The following NFXL1 variants were observed in gnomAD, a reference collection of about 807,000 sequenced individuals.
NFXL1 encodes NF-X1-type zinc finger protein NFXL1.
Under a neutral mutation model 123.3 loss-of-function variants are expected in NFXL1, and 66 were observed. The observed-to-expected ratio is 0.54, with a 90% CI of 0.44 to 0.66. NFXL1 has a LOEUF of 0.66. Ranked by LOEUF, NFXL1 falls within the 30% of genes least tolerant of loss-of-function variation. NFXL1 has a pLI of 0.00. For synonymous variants in NFXL1, 346 were observed against 360.8 expected (o/e 0.96, Z 0.46); for missense variants, 944 against 1,125.6 (o/e 0.84, Z 2.31).
rs1363485418 is a variant in NFXL1, at chr4:47,890,698, G to A, written c.1458C>T (p.Cys486=). The A allele has an allele frequency of 3.8e-6, 6 of 1,598,950 alleles. No individual in the cohort carries two copies. The South Asian group carries it at 5.5e-5, about 15-fold the overall frequency. ...GATCACAAGGTGGACAGTTTCCAGG[G>A]CAACACTGAAGAGAAAGCAATATAT... ...CQKHQCRRKC[C]PGNCPPCDQN... The change falls in exon 12 of 23, where the codon TGC becomes TGT. Residue 486 remains cysteine (C), a synonymous_variant. Coordinates refer to ENST00000507489, the MANE Select transcript of NFXL1 (RefSeq NM_001278624.2).
intron 19 of NFXL1, among the ~76,000 whole-genome samples, chr4:47,856,225 G>T (rs952048299): frequency 4.6e-5 from 7 of 152,072 alleles, no homozygotes; most frequent in Non-Finnish European, 7.4e-5. Flanking sequence ...TGTTTCACAT[G>T]TAAAATTTCA....
chr4:47,876,404 C>A (rs1392751230), intron 17 of NFXL1, among the ~76,000 whole-genome samples: 1 of 151,772 alleles, frequency 6.6e-6, no homozygotes, highest in Non-Finnish European at 1.5e-5. Context: ...GAGAGAACAA[C>A]CAGAAAGGAG....
chr4:47,881,474 C>T (rs973149917), intron 15 of NFXL1, among the ~76,000 whole-genome samples: 4 of 152,098 alleles, frequency 2.6e-5, no homozygotes, highest in Admixed American at 1.3e-4. Flanking sequence ...TTGACAGCTT[C>T]TTACAAAGCT....
chr4:47,902,246 A>C (rs1371332455), intron 5 of NFXL1, among the ~76,000 whole-genome samples: 1 of 152,190 alleles, frequency 6.6e-6, no homozygotes, highest in Non-Finnish European at 1.5e-5. Flanking sequence ...AAGTTACAAA[A>C]TGTGACCACA....
intron 18 of NFXL1, among the ~76,000 whole-genome samples, chr4:47,866,929 G>A (rs1735117406): frequency 6.6e-6 from 1 of 152,146 alleles, no homozygotes; most frequent in Admixed American, 6.5e-5. Flanking sequence ...TACAAGTGTT[G>A]TCACAACTCA....
chr4:47,903,064 A>T (rs1027246888), intron 5 of NFXL1, 129 bp downstream of exon 5: 1 of 449,508 alleles, frequency 2.2e-6, no homozygotes, highest in South Asian at 3.3e-5. Context: ...CTGAGACAGG[A>T]GAATCTCTTG....
chr4:47,893,191 T>C (rs1164003445), intron 11 of NFXL1, among the ~76,000 whole-genome samples: 1 of 151,848 alleles, frequency 6.6e-6, no homozygotes, highest in Non-Finnish European at 1.5e-5. Context: ...ATAAATAGTA[T>C]CAGTGAACTT....
rs1161064723 is a variant in NFXL1, at chr4:47,914,064, G to C, written c.140C>G (p.Ser47Cys). 12 of 1,549,716 alleles carry C rather than the reference G, an allele frequency of 7.7e-6. No individual in the cohort carries two copies. ...CGCGACTCCTCCGGGACTGGTGCCA[G>C]AAGGAACTGCGCCCACCGACCCCTT... The part of the protein sequence containing the change: ...REKGSVGAVP[S>C]GTSPGGVATT... The change falls in exon 2 of 23, where the codon TCT (serine) becomes TGT (cysteine). Residue 47 changes from serine to cysteine, a missense_variant. Transcript: ENST00000507489.
chr4:47,914,260 C>G, intron 1 of NFXL1, 55 bp from the exon 2 acceptor site: 1 of 1,337,322 alleles, frequency 7.5e-7, no homozygotes, highest in Non-Finnish European at 9.9e-7. Context: ...CAGCGAGGAC[C>G]GAGGCGAAGG....
intron 10 of NFXL1, among the ~76,000 whole-genome samples, chr4:47,895,675 G>A (rs981581675): frequency 1.3e-5 from 2 of 152,138 alleles, no homozygotes; most frequent in African/African-American, 4.8e-5. Flanking sequence ...TAGTTACTTT[G>A]ATCTTGTTTG....
chr4:47,851,920 C>G lies in NFXL1; in HGVS notation c.2444G>C (p.Arg815Pro). The G allele has an allele frequency of 6.2e-7, 1 of 1,610,990 alleles. No homozygotes were observed. The highest frequency in any genetic ancestry group is 1.1e-5 in the South Asian group (1 of 90,958). ...ACATTCTATTGAAACCTGATTTTCACGTACTTTGTTGCACTGCAATTCCTA... is the reference window on the plus strand; with the variant it reads ...ACATTCTATTGAAACCTGATTTTCAGGTACTTTGTTGCACTGCAATTCCTA... ...IKKELQCNKV[R>P]ENQVSIECDT... The change falls in exon 21 of 23, where the codon CGT (arginine) becomes CCT (proline). Residue 815 changes from arginine (R) to proline (P), a missense_variant. By Grantham distance (103) the Arg-to-Pro change is moderately radical. This residue lies in a region of NFXL1 where 301 missense variants were observed against 348.0 expected (regional missense o/e 0.86). Coordinates refer to ENST00000507489, the MANE Select transcript of NFXL1 (RefSeq NM_001278624.2).
At chr4:47,910,601 TAAGGCTATAA>T in intron 3 of NFXL1, among the ~76,000 whole-genome samples, 1 of 152,284 alleles carries the variant, frequency 6.6e-6, no homozygotes, top group East Asian at 1.9e-4. Flanking sequence ...AAAGGCCTCC[TAAGGCTATAA>T]AAGAGCCACT....
intron 10 of NFXL1, 60 bp from the exon 11 acceptor site, chr4:47,894,362 T>C: frequency 7.9e-7 from 1 of 1,266,876 alleles, no homozygotes; most frequent in Non-Finnish European, 1.1e-6. Flanking sequence ...TTCCTCACAT[T>C]GCAACTTCTA....
At chr4:47,881,968 T>A (rs985849491) in intron 15 of NFXL1, among the ~76,000 whole-genome samples, 2 of 152,176 alleles carry the variant, frequency 1.3e-5, no homozygotes, top group African/African-American at 4.8e-5. Context: ...AGTAAATACA[T>A]GACATTACAC....
Position 47,910,878 on chromosome 4 carries a change from CT to C in NFXL1, c.351del (p.Gly118GlufsTer12). On this transcript the variant is annotated frameshift_variant, in exon 3 of 23. Coordinates refer to ENST00000507489, the MANE Select transcript of NFXL1 (RefSeq NM_001278624.2). LOFTEE classifies it high-confidence loss of function. ...TTTGCAAGTATTTTTCCCTGTTTTC[CT>C]TCAAAATCTTCATCTCCTTCTTCAG... ...SSSEEGDEDF[E>X]GKQGKILANT... 6.2e-7 allele frequency: 1 copy of C among 1,600,104 alleles called. No homozygotes were observed. The highest frequency in any genetic ancestry group is 8.5e-7 in the Non-Finnish European group (1 of 1,173,152).
In NFXL1 at chr4:47,902,884, G is replaced by A. The variant is rs529472734; in HGVS notation, c.647+309C>T. On this transcript the variant is annotated intron_variant, in intron 5 of 22. Transcript: ENST00000507489. ...ATTTAATAATCCAATTAGGCCAGGC[G>A]TGGTGGCGTGCCAGCCTAGTTGGCA... 1.2e-4 allele frequency among the ~76,000 whole-genome samples: 18 copies of A among 152,290 alleles called. No homozygotes were observed. The South Asian group carries it at 1.9e-3, about 16-fold the overall frequency.
intron 17 of NFXL1, 44 bp from the exon 18 acceptor site, chr4:47,875,337 C>G (rs1735681606): frequency 1.4e-6 from 2 of 1,415,954 alleles, no homozygotes; most frequent in African/African-American, 2.9e-5. Flanking sequence ...ACAAGGTAAG[C>G]CTAACATTTC....
At position 47,884,348 on chromosome 4, in the gene NFXL1, A is replaced by T; in HGVS notation, c.1914T>A (p.Pro638=). The change falls in exon 15 of 23, where the codon CCT becomes CCA. Residue 638 remains proline (P), a splice_region_variant and synonymous_variant. Transcript: ENST00000507489. ...TTAATTGAAATTCTAATACTTACAT[A>T]GGAATAGGAACTTGACATGGAGGAC... ...LPCPPCQVPI[P]MECLGKHEVS... 1 of 1,553,170 alleles carries T rather than the reference A, an allele frequency of 6.4e-7. No individual in the cohort carries two copies. The highest frequency in any genetic ancestry group is 8.8e-7 in the Non-Finnish European group (1 of 1,135,344).
intron 12 of NFXL1, among the ~76,000 whole-genome samples, chr4:47,887,017 T>C (rs1315527085): frequency 1.3e-5 from 2 of 152,294 alleles, no homozygotes; most frequent in Middle Eastern, 3.4e-3. Context: ...ATCCCAAATA[T>C]TTCTCTTCTA....
Sources: gnomAD v4.1 joint callset for allele counts (sites outside exome capture counted in the v4.1 genomes callset) on GRCh38, gnomAD v4.1.1 for gene constraint, gnomAD v4.1.1 regional missense constraint, MANE v1.5 for transcripts, NCBI Gene and HGNC (gene_info 2026-07-23, HGNC 2026-07-21) for gene names.